CNTN5: variants seen among roughly 807,000 people sequenced by gnomAD.
CNTN5 encodes the protein contactin 5.
In CNTN5, 77 loss-of-function variants were observed where a neutral mutation model predicts 129.1. The observed-to-expected ratio is 0.60, with a 90% confidence interval of 0.50 to 0.72. The LOEUF is 0.72. Ranked by LOEUF, CNTN5 falls within the 30% of genes least tolerant of loss-of-function variation. CNTN5 has a pLI of 0.00. For synonymous variants in CNTN5, 509 were observed against 465.6 expected, an observed-to-expected ratio of 1.09 and a Z score of -1.20; for missense variants, 1,478 against 1,328.8, an observed-to-expected ratio of 1.11 and a Z score of -1.75.
intron 6 of CNTN5, among the ~76,000 whole-genome samples, chr11:99,908,444 C>T (rs1949568657): frequency 6.6e-6 from 1 of 151,944 alleles, no homozygotes; most frequent in Non-Finnish European, 1.5e-5. Flanking sequence ...TATCCTTTCA[C>T]ATTTTTCTTT....
intron 18 of CNTN5, among the ~76,000 whole-genome samples, chr11:100,295,841 A>G (rs1252046580): frequency 1.3e-5 from 2 of 151,460 alleles, no homozygotes; most frequent in African/African-American, 4.8e-5. Context: ...TAGACAAAGT[A>G]CTGGGTCTGG....
intron 13 of CNTN5, among the ~76,000 whole-genome samples, chr11:100,109,468 A>G (rs943185372): frequency 3.9e-5 from 6 of 152,114 alleles, no homozygotes; most frequent in Admixed American, 3.3e-4. Flanking sequence ...CAAGGAATCA[A>G]TCACTGGATG....
At chr11:99,528,511 A>C (rs2135460559) in intron 2 of CNTN5, among the ~76,000 whole-genome samples, 1 of 152,320 alleles carries the variant, frequency 6.6e-6, no homozygotes, top group African/African-American at 2.4e-5. Context: ...TCTATGGAAA[A>C]CCACAGTAAG....
At chr11:99,390,903 A>T (rs1020761863) in intron 2 of CNTN5, among the ~76,000 whole-genome samples, 1 of 152,114 alleles carries the variant, frequency 6.6e-6, no homozygotes, top group Non-Finnish European at 1.5e-5. Context: ...TTAGTTTCAA[A>T]ATAGTAAATA....
chr11:99,796,320 G>A (rs962163959), intron 3 of CNTN5, among the ~76,000 whole-genome samples: 1 of 152,156 alleles, frequency 6.6e-6, no homozygotes, highest in African/African-American at 2.4e-5. Context: ...TAGCGTGGTG[G>A]AGTGCATACA....
At chr11:100,270,385 G>GT (rs1413028191) in intron 17 of CNTN5, among the ~76,000 whole-genome samples, 1 of 152,204 alleles carries the variant, frequency 6.6e-6, no homozygotes, top group Non-Finnish European at 1.5e-5. Flanking sequence ...TTTGCATGCT[G>GT]TAAGGGAGAT....
chr11:100,149,703 T>TAACA (rs1399489048), intron 13 of CNTN5, among the ~76,000 whole-genome samples: 1 of 151,732 alleles, frequency 6.6e-6, no homozygotes, highest in Non-Finnish European at 1.5e-5. Context: ...CCATCCTGGC[T>TAACA]AACACACAGT....
intron 2 of CNTN5, among the ~76,000 whole-genome samples, chr11:99,471,158 A>AC (rs1308372032): frequency 2.0e-5 from 3 of 151,972 alleles, no homozygotes; most frequent in African/African-American, 4.8e-5. Flanking sequence ...CTAAAAAAAA[A>AC]AACAAATTTT....
At chr11:100,008,741 T>G (rs1189962164) in intron 9 of CNTN5, among the ~76,000 whole-genome samples, 1 of 152,088 alleles carries the variant, frequency 6.6e-6, no homozygotes, top group East Asian at 1.9e-4. Flanking sequence ...AAGTTTAAAC[T>G]AAGACTTAAC....
Position 100,290,661 on chromosome 11 carries a change from A to C in CNTN5, c.2315-6964A>C, listed in dbSNP as rs1267245633. Among the ~76,000 whole-genome samples, 52 of 147,960 alleles carry C rather than the reference A, an allele frequency of 3.5e-4. 1 individual carries two copies. Among genetic ancestry groups the C allele is most frequent in the Admixed American group, 3.4e-3 (50 of 14,820 alleles). On this transcript the variant is annotated intron_variant, in intron 18 of 24. Transcript: ENST00000524871. Reference sequence around the variant, plus strand: ...CCTAAAACCATAAAAACCCTAGAAGAAAACCTAGGCATTACCATTCAGGAC... The same window carrying C: ...CCTAAAACCATAAAAACCCTAGAAGCAAACCTAGGCATTACCATTCAGGAC...
intron 3 of CNTN5, among the ~76,000 whole-genome samples, chr11:99,788,869 G>T (rs1393861491): frequency 6.6e-6 from 1 of 151,690 alleles, no homozygotes; most frequent in Non-Finnish European, 1.5e-5. Flanking sequence ...TATTAAGGGG[G>T]CTCAATTTCA....
chr11:99,761,552 G>A (rs1262140745), intron 3 of CNTN5, among the ~76,000 whole-genome samples: 1 of 151,692 alleles, frequency 6.6e-6, no homozygotes, highest in Non-Finnish European at 1.5e-5. Flanking sequence ...TACTGAGAAT[G>A]ATGATTTCCA....
At chr11:99,871,615 C>T (rs2135813740) in intron 6 of CNTN5, among the ~76,000 whole-genome samples, 1 of 151,826 alleles carries the variant, frequency 6.6e-6, no homozygotes, top group East Asian at 1.9e-4. Context: ...GCTTAGAAAA[C>T]AACAAAAGGA....
chr11:100,057,159 C>G (rs1424118344), intron 9 of CNTN5, among the ~76,000 whole-genome samples: 2 of 148,120 alleles, frequency 1.4e-5, no homozygotes, highest in African/African-American at 4.9e-5. Flanking sequence ...GATCATTCAG[C>G]TCAAAAAGTT....
intron 2 of CNTN5, among the ~76,000 whole-genome samples, chr11:99,503,780 T>C (rs1189689148): frequency 1.3e-5 from 2 of 152,142 alleles, no homozygotes; most frequent in Non-Finnish European, 2.9e-5. Flanking sequence ...TTTTGTAATA[T>C]ATATTATATT....
intron 1 of CNTN5, among the ~76,000 whole-genome samples, chr11:99,060,032 TA>T: frequency 6.6e-6 from 1 of 152,220 alleles, no homozygotes; most frequent in African/African-American, 2.4e-5. Context: ...TTGAATATAT[TA>T]AAATATTGAT....
At chr11:99,518,592 A>G (rs1947148765) in intron 2 of CNTN5, among the ~76,000 whole-genome samples, 1 of 152,068 alleles carries the variant, frequency 6.6e-6, no homozygotes. Context: ...TGGAAAAGTG[A>G]TCGTTCTCCA....
At chr11:99,172,313 T>C (rs1209350383) in intron 1 of CNTN5, among the ~76,000 whole-genome samples, 1 of 152,206 alleles carries the variant, frequency 6.6e-6, no homozygotes, top group Non-Finnish European at 1.5e-5. Context: ...AATTTATTTA[T>C]AAGAATATCA....
chr11:99,997,000 G>A (rs566319573), intron 8 of CNTN5, among the ~76,000 whole-genome samples: 51 of 152,088 alleles, frequency 3.4e-4, no homozygotes, highest in African/African-American at 1.2e-3. Flanking sequence ...ATTCTACCCC[G>A]ACCCCTCCCA....
Sources: gnomAD v4.1 joint callset for allele counts (sites outside exome capture counted in the v4.1 genomes callset) on GRCh38, gnomAD v4.1.1 for gene constraint, MANE v1.5 for transcripts, NCBI Gene and HGNC (gene_info 2026-07-23, HGNC 2026-07-21) for gene names.